RHOBTB2: variants seen among roughly 807,000 people sequenced by gnomAD.
RHOBTB2 encodes the protein rho-related BTB domain-containing protein 2.
In RHOBTB2, 39 loss-of-function variants were observed where a neutral mutation model predicts 66.5. The observed-to-expected ratio is 0.59, with a 90% CI of 0.45 to 0.77. RHOBTB2 has a LOEUF of 0.77. Ranked by LOEUF, RHOBTB2 falls within the 30% of genes least tolerant of loss-of-function variation. The pLI is 0.00. For synonymous variants in RHOBTB2, 390 were observed against 395.0 expected, an observed-to-expected ratio of 0.99 and a Z score of 0.15; for missense variants, 755 against 999.1, an observed-to-expected ratio of 0.76 and a Z score of 3.29.
the RHOBTB2 span, among the ~76,000 whole-genome samples, chr8:22,965,056 A>G: frequency 1.3e-5 from 2 of 152,082 alleles, no homozygotes; most frequent in African/African-American, 2.4e-5. Context: ...ACATCAGATA[A>G]TCTGCTCACC....
At chr8:22,955,565 T>G in the RHOBTB2 span, among the ~76,000 whole-genome samples, 14 of 69,238 alleles carry the variant, frequency 2.0e-4, no homozygotes, top group Non-Finnish European at 3.8e-4. Flanking sequence ...TCAATAAATC[T>G]TTTTTTTTTT....
At chr8:23,001,585 A>G (rs565649986) in intron 1 of RHOBTB2, among the ~76,000 whole-genome samples, 1 of 152,348 alleles carries the variant, frequency 6.6e-6, no homozygotes, top group East Asian at 1.9e-4. Flanking sequence ...AGCATTATAT[A>G]ATACCACATT....
chr8:23,014,501 A>G (rs1324331393), intron 7 of RHOBTB2, among the ~76,000 whole-genome samples, 189 bp from the exon 8 acceptor site: 2 of 152,122 alleles, frequency 1.3e-5, no homozygotes, highest in African/African-American at 2.4e-5. Context: ...TACCCCGTTG[A>G]GCTCTTGCTG....
chr8:22,962,372 C>G, the RHOBTB2 span, among the ~76,000 whole-genome samples: 3 of 151,718 alleles, frequency 2.0e-5, no homozygotes, highest in African/African-American at 7.3e-5. Context: ...AACTGACGTA[C>G]TTTTCATTAA....
At chr8:22,978,834 G>A in the RHOBTB2 span, among the ~76,000 whole-genome samples, 12 of 151,994 alleles carry the variant, frequency 7.9e-5, no homozygotes, top group African/African-American at 2.9e-4. Flanking sequence ...AAAATAGTTG[G>A]TATTCAGATG....
At chr8:23,005,660 G>A (rs189478895) in intron 3 of RHOBTB2, among the ~76,000 whole-genome samples, 185 bp downstream of exon 3, 1 of 152,314 alleles carries the variant, frequency 6.6e-6, no homozygotes, top group Non-Finnish European at 1.5e-5. Context: ...CCGGGATCAG[G>A]AAGCCTGGAT....
chr8:22,958,013 C>A, the RHOBTB2 span, among the ~76,000 whole-genome samples: 1 of 152,148 alleles, frequency 6.6e-6, no homozygotes, highest in African/African-American at 2.4e-5. Context: ...GCCTTAAGGC[C>A]CAGGAAAGGC....
chr8:22,982,266 G>A, the RHOBTB2 span, among the ~76,000 whole-genome samples: 1 of 152,202 alleles, frequency 6.6e-6, no homozygotes, highest in Non-Finnish European at 1.5e-5. Flanking sequence ...CTTCCCACCT[G>A]CTGTCGGGAC....
the RHOBTB2 span, among the ~76,000 whole-genome samples, chr8:22,982,315 A>G: frequency 4.6e-5 from 7 of 151,876 alleles, no homozygotes; most frequent in Non-Finnish European, 7.4e-5. Flanking sequence ...TCTTCTTGCC[A>G]CTCCTCATTC....
intron 3 of RHOBTB2, 28 bp downstream of exon 3, chr8:23,005,503 A>G: frequency 7.5e-6 from 11 of 1,458,008 alleles, no homozygotes; most frequent in Non-Finnish European, 9.6e-6. Flanking sequence ...CCGCCTGCAG[A>G]GAACCAACAG....
Position 23,017,357 on chromosome 8 carries a change from T to A in RHOBTB2, c.2072T>A (p.Leu691His). 1 of 1,614,158 alleles carries A rather than the reference T, an allele frequency of 6.2e-7. No homozygotes were observed. The highest frequency in any genetic ancestry group is 2.2e-5 in the East Asian group (1 of 44,878). Residue 691 changes from leucine to histidine, a missense_variant, in exon 10 of 10, where the codon CTC (leucine) becomes CAC (histidine). Physicochemically the swap from Leu to His is moderately conservative, Grantham distance 99. Coordinates refer to ENST00000251822, the MANE Select transcript of RHOBTB2 (RefSeq NM_015178.3). The surrounding 1 kb of genome is among the most constrained non-coding windows in gnomAD (Gnocchi z 5.3). The stretch of plus-strand genomic sequence containing the variant: ...AAGGAGCGTGAGAAGGAGGACTACC[T>A]CCACCTCAAGCGGCAGCCCAAACGG... ...ARKEREKEDY[L>H]HLKRQPKRRW... is the part of the protein sequence containing the mutation.
chr8:22,953,186 G>A, the RHOBTB2 span, among the ~76,000 whole-genome samples: 1 of 152,138 alleles, frequency 6.6e-6, no homozygotes, highest in Non-Finnish European at 1.5e-5. Flanking sequence ...CTTACCAATT[G>A]AGTGTTCCTA....
At chr8:22,979,312 T>C in the RHOBTB2 span, among the ~76,000 whole-genome samples, 3 of 152,356 alleles carry the variant, frequency 2.0e-5, no homozygotes, top group East Asian at 1.9e-4. Context: ...ATTACATACA[T>C]ATTGTAAAAA....
chr8:22,970,716 C>T, the RHOBTB2 span, among the ~76,000 whole-genome samples: 2 of 151,836 alleles, frequency 1.3e-5, no homozygotes, highest in African/African-American at 2.4e-5. Context: ...CTCAGTCTCC[C>T]AAAGTGCTGA....
In RHOBTB2 at chr8:23,006,866, A is replaced by G. The variant is rs139301917; in HGVS notation, c.621A>G (p.Ala207=). 5.6e-6 allele frequency: 9 copies of G among 1,613,800 alleles called. No homozygotes were observed. In the Admixed American group the frequency reaches 1.5e-4, roughly 27 times the overall value. Reference sequence around the variant, plus strand: ...TCTTTGACAACGCCATCCGAGCTGCACTCATCTCCCGCCGCCACCTGCAGT... The same window carrying G: ...TCTTTGACAACGCCATCCGAGCTGCGCTCATCTCCCGCCGCCACCTGCAGT... ...KDVFDNAIRA[A]LISRRHLQFW... is the part of the protein sequence containing the mutation. The change falls in exon 5 of 10, where the codon GCA becomes GCG. Residue 207 remains alanine (A), a synonymous_variant. Coordinates refer to ENST00000251822, the MANE Select transcript of RHOBTB2 (RefSeq NM_015178.3). The surrounding 1 kb of genome is among the most constrained non-coding windows in gnomAD (Gnocchi z 6.1).
chr8:22,963,012 G>A, the RHOBTB2 span, among the ~76,000 whole-genome samples: 123 of 152,316 alleles, frequency 8.1e-4, no homozygotes, highest in African/African-American at 2.9e-3. Flanking sequence ...CAGATTCGAA[G>A]GGTCCTGTTA....
chr8:22,972,456 T>C, the RHOBTB2 span, among the ~76,000 whole-genome samples: 2,384 of 152,316 alleles, frequency 0.016, 30 homozygotes, highest in Middle Eastern at 0.041. Flanking sequence ...CTGCTTCATG[T>C]CTGTTGTCAC....
the RHOBTB2 span, among the ~76,000 whole-genome samples, chr8:22,978,540 G>T: frequency 6.8e-6 from 1 of 148,084 alleles, no homozygotes; most frequent in South Asian, 2.1e-4. Context: ...CAATTGTTAA[G>T]TTTAGGTAAG....
At position 23,007,277 on chromosome 8, in the gene RHOBTB2, C is replaced by T; in HGVS notation, c.1032C>T (p.Ser344=). 1 of 1,613,564 alleles carries T rather than the reference C, an allele frequency of 6.2e-7. No homozygotes were observed. The highest frequency in any genetic ancestry group is 8.5e-7 in the Non-Finnish European group (1 of 1,179,990). Residue 344 remains serine (S), a synonymous_variant, in exon 5 of 10, where the codon AGC becomes AGT. Coordinates refer to ENST00000251822, the MANE Select transcript of RHOBTB2 (RefSeq NM_015178.3). ...GAGACTTCCTGCTCCGAGCAGCCAG[C>T]TTTGACGTGTGCGAGAGCGTGGATG... ...HGRDFLLRAA[S]FDVCESVDEA...
Sources: gnomAD v4.1 joint callset for allele counts (sites outside exome capture counted in the v4.1 genomes callset) on GRCh38, gnomAD v4.1.1 for gene constraint, Gnocchi (gnomAD v3.1) non-coding constraint, MANE v1.5 for transcripts, NCBI Gene and HGNC (gene_info 2026-07-23, HGNC 2026-07-21) for gene names.